The following CNTN6 variants were observed in gnomAD, a reference collection of about 807,000 sequenced individuals.
CNTN6 encodes contactin-6.
CNTN6 carries 137 observed loss-of-function variants against 122.8 expected under a neutral mutation model. The ratio of observed to expected loss-of-function variants is 1.12; its 90% CI spans 0.97 to 1.29. The LOEUF (loss-of-function observed/expected upper bound fraction) is 1.29. Among genes scored for constraint, CNTN6 ranks in the 50% most tolerant of loss-of-function variants. CNTN6 has a pLI of 0.00. For synonymous variants in CNTN6, 570 were observed against 426.0 expected (o/e 1.34, Z -4.16); for missense variants, 1,634 against 1,223.4 (o/e 1.34, Z -5.01).
intron 4 of CNTN6, among the ~76,000 whole-genome samples, chr3:1,260,552 TAAAAC>T: frequency 6.6e-6 from 1 of 152,078 alleles, no homozygotes. Context: ...TTCCCTCAAA[TAAAAC>T]AAAAACTGAG....
intron 5 of CNTN6, among the ~76,000 whole-genome samples, chr3:1,286,869 G>A (rs534166394): frequency 1.3e-5 from 2 of 152,228 alleles, no homozygotes; most frequent in South Asian, 4.1e-4. Flanking sequence ...TAAAGGGAAG[G>A]AGGAATATTT....
rs971837676 is a variant in CNTN6 at position 1,345,280 on chromosome 3, T to C, written c.1365-7044T>C. Among the ~76,000 whole-genome samples the C allele has an allele frequency of 9.2e-5, 14 of 152,056 alleles. 1 individual carries two copies. The highest frequency in any genetic ancestry group is 1.5e-4 in the Non-Finnish European group (10 of 67,968). ...TACAGGCACGAACCACCATACCCGCTAATTTTTGTATTTTCAGTACAGACG... is the reference window on the plus strand; with the variant it reads ...TACAGGCACGAACCACCATACCCGCCAATTTTTGTATTTTCAGTACAGACG... On this transcript the variant is annotated intron_variant, in intron 11 of 22. Transcript: ENST00000446702.
chr3:1,096,376 G>C (rs1179811304), intron 1 of CNTN6, among the ~76,000 whole-genome samples: 3 of 151,914 alleles, frequency 2.0e-5, no homozygotes, highest in Non-Finnish European at 4.4e-5. Flanking sequence ...TTTATTTTAG[G>C]ATTTGTTGTA....
At chr3:1,256,751 TATC>T (rs1336336238) in intron 4 of CNTN6, among the ~76,000 whole-genome samples, 1 of 152,176 alleles carries the variant, frequency 6.6e-6, no homozygotes, top group Middle Eastern at 3.2e-3. Context: ...AATGGCTACA[TATC>T]ATCTGATTAT....
At chr3:1,293,134 A>G (rs1695613867) in intron 5 of CNTN6, among the ~76,000 whole-genome samples, 1 of 152,142 alleles carries the variant, frequency 6.6e-6, no homozygotes, top group Non-Finnish European at 1.5e-5. Context: ...TGCAGAGACA[A>G]ATTTCTTTTT....
chr3:1,368,220 G>A (rs1037391311), intron 12 of CNTN6, among the ~76,000 whole-genome samples: 4 of 152,116 alleles, frequency 2.6e-5, no homozygotes, highest in Non-Finnish European at 4.4e-5. Flanking sequence ...TGAACTATAC[G>A]AAAATCATGA....
chr3:1,230,986 C>T (rs529235555), intron 4 of CNTN6, among the ~76,000 whole-genome samples: 143 of 152,120 alleles, frequency 9.4e-4, no homozygotes, highest in Non-Finnish European at 1.8e-3. Context: ...CTATGAATAC[C>T]CACAGATATC....
intron 20 of CNTN6, among the ~76,000 whole-genome samples, chr3:1,391,339 T>C (rs1187135111): frequency 8.1e-6 from 1 of 122,860 alleles, no homozygotes; most frequent in African/African-American, 3.5e-5. Flanking sequence ...AAAAAGCCTT[T>C]GACAAAATTC....
intron 20 of CNTN6, among the ~76,000 whole-genome samples, chr3:1,391,940 T>C (rs1279978296): frequency 1.3e-5 from 2 of 152,170 alleles, no homozygotes; most frequent in Non-Finnish European, 2.9e-5. Context: ...TCCATGCTCA[T>C]GGGTAGGAAG....
At chr3:1,333,713 G>A (rs913570345) in intron 11 of CNTN6, among the ~76,000 whole-genome samples, 6 of 152,062 alleles carry the variant, frequency 3.9e-5, no homozygotes, top group African/African-American at 1.4e-4. Flanking sequence ...CCTATTCAAA[G>A]TAATCAGACT....
intron 2 of CNTN6, among the ~76,000 whole-genome samples, chr3:1,202,549 A>AATAAATAC (rs2093898249): frequency 7.0e-5 from 1 of 14,260 alleles, no homozygotes; most frequent in Admixed American, 8.6e-4. Context: ...TCAAAAAATA[A>AATAAATAC]ATAAATAAAT....
chr3:1,231,989 T>C (rs2094357984), intron 4 of CNTN6, among the ~76,000 whole-genome samples: 1 of 152,212 alleles, frequency 6.6e-6, no homozygotes, highest in African/African-American at 2.4e-5. Flanking sequence ...CTTCCTTTTG[T>C]ATGTATGTAT....
In CNTN6 at chr3:1,142,968, G is replaced by GTATATA. The variant is rs3043051; in HGVS notation, c.-82-4929_-82-4924dup. Among the ~76,000 whole-genome samples, 814 of 128,464 alleles carry GTATATA rather than the reference G, an allele frequency of 6.3e-3. 6 individuals carry two copies. Among genetic ancestry groups the GTATATA allele is most frequent in the East Asian group, 0.017 (76 of 4,554 alleles). 84.3% of individuals were successfully genotyped at this position (128,464 alleles called of 152,430 possible). Reference sequence around the variant, plus strand: ...TACATATAAATTTGTGTGTGTGTGTGTATATATATATATATATATATATAT... The same window carrying GTATATA: ...TACATATAAATTTGTGTGTGTGTGTGTATATATATATATATATATATATATATATAT... On this transcript the variant is annotated intron_variant, in intron 1 of 22. Coordinates refer to ENST00000446702, the MANE Select transcript of CNTN6 (RefSeq NM_001289080.2).
At chr3:1,097,202 C>G (rs1267259179) in intron 1 of CNTN6, among the ~76,000 whole-genome samples, 1 of 152,098 alleles carries the variant, frequency 6.6e-6, no homozygotes, top group Non-Finnish European at 1.5e-5. Context: ...TGATAATGTC[C>G]CCTATTAGTT....
intron 2 of CNTN6, among the ~76,000 whole-genome samples, chr3:1,158,776 ATGTGTG>A (rs59256552): frequency 2.1e-4 from 24 of 113,278 alleles, no homozygotes; most frequent in East Asian, 5.6e-4. Flanking sequence ...ACACATATAT[ATGTGTG>A]TATATATGTG....
At chr3:1,255,425 A>AAAAAGAAAG (rs1553642699) in intron 4 of CNTN6, among the ~76,000 whole-genome samples, 1 of 144,288 alleles carries the variant, frequency 6.9e-6, no homozygotes, top group Non-Finnish European at 1.5e-5. Context: ...TGGAAAAAAA[A>AAAAAGAAAG]AAAGAAAGAA....
intron 19 of CNTN6, among the ~76,000 whole-genome samples, chr3:1,384,814 T>G (rs28658001): frequency 6.5e-5 from 9 of 138,202 alleles, no homozygotes; most frequent in East Asian, 2.2e-4. Flanking sequence ...CACACACACA[T>G]ATATATATAT....
chr3:1,109,315 T>C (rs1342851831), intron 1 of CNTN6, among the ~76,000 whole-genome samples: 1 of 152,104 alleles, frequency 6.6e-6, no homozygotes, highest in Non-Finnish European at 1.5e-5. Context: ...ATGTACCTTT[T>C]TGGAGATGCA....
intron 1 of CNTN6, among the ~76,000 whole-genome samples, chr3:1,100,957 A>G (rs1420821950): frequency 6.6e-6 from 1 of 152,084 alleles, no homozygotes; most frequent in Non-Finnish European, 1.5e-5. Flanking sequence ...TGGTGCTCAT[A>G]ATTTTTTTAT....
Sources: allele counts gnomAD v4.1 joint callset (sites outside exome capture counted in the v4.1 genomes callset), GRCh38; gene constraint gnomAD v4.1.1; transcripts MANE v1.5; gene names NCBI Gene and HGNC (gene_info 2026-07-23, HGNC 2026-07-21).